The following NGEF variants were observed in gnomAD, a reference collection of about 807,000 sequenced individuals.
NGEF encodes neuronal guanine nucleotide exchange factor.
NGEF carries 31 observed loss-of-function variants against 80.9 expected under a neutral mutation model. The ratio of observed to expected loss-of-function variants is 0.38; its 90% CI spans 0.29 to 0.52. The LOEUF (loss-of-function observed/expected upper bound fraction) is 0.52, where lower values mean the gene tolerates loss of function less well. Ranked by LOEUF, NGEF falls within the 20% of genes least tolerant of loss-of-function variation. The pLI is 0.84. For synonymous variants in NGEF, 371 were observed against 370.2 expected, an observed-to-expected ratio of 1.00 and a Z score of -0.03; for missense variants, 709 against 926.2, an observed-to-expected ratio of 0.77 and a Z score of 3.04.
intron 12 of NGEF, 118 bp downstream of exon 12, chr2:232,883,193 C>T (rs921782187): frequency 1.1e-5 from 14 of 1,248,796 alleles, no homozygotes; most frequent in South Asian, 3.2e-5. Context: ...ATGGGCAGGT[C>T]GGCTCCACAC....
At chr2:232,893,890 AG>A (rs1164812934) in intron 6 of NGEF, among the ~76,000 whole-genome samples, 1 of 152,184 alleles carries the variant, frequency 6.6e-6, no homozygotes, top group Non-Finnish European at 1.5e-5. Context: ...CGAAGGGGTG[AG>A]GGGGCTGCAA....
intron 3 of NGEF, among the ~76,000 whole-genome samples, chr2:232,929,480 C>G (rs1370652912): frequency 1.3e-5 from 2 of 152,240 alleles, no homozygotes; most frequent in Non-Finnish European, 2.9e-5. Flanking sequence ...GTCTCTAAAG[C>G]TGCCACTTAG....
chr2:232,987,599 G>C (rs1034149972), intron 1 of NGEF, among the ~76,000 whole-genome samples: 8 of 152,280 alleles, frequency 5.3e-5, no homozygotes, highest in African/African-American at 1.9e-4. Flanking sequence ...TAGGGCTGTG[G>C]AACCCATGGG....
rs958244261 is a variant in NGEF at position 232,988,051 on chromosome 2, G to C, written c.-74-13087C>G. Among the ~76,000 whole-genome samples, 85 of 148,528 alleles carry C rather than the reference G, an allele frequency of 5.7e-4. 1 individual carries two copies. Among genetic ancestry groups the C allele is most frequent in the African/African-American group, 1.9e-3 (73 of 39,378 alleles). On this transcript the variant is annotated intron_variant, in intron 1 of 14. Transcript: ENST00000264051. ...GGGATGGTCTCGTGTGTGTGTGTGT[G>C]TGTGTGTGTGTGTGTGTGTGTGTGT...
chr2:233,010,123 C>T (rs1695171258), intron 1 of NGEF, among the ~76,000 whole-genome samples: 1 of 151,812 alleles, frequency 6.6e-6, no homozygotes, highest in Non-Finnish European at 1.5e-5. Context: ...GAACTTCTGA[C>T]CTCTGGTAAT....
intron 4 of NGEF, among the ~76,000 whole-genome samples, chr2:232,922,617 G>A (rs746789524): frequency 2.6e-5 from 4 of 152,222 alleles, no homozygotes; most frequent in Non-Finnish European, 5.9e-5. Context: ...CTATTGCGAC[G>A]TCAAGCTATC....
chr2:232,883,993 C>T lies in NGEF; in HGVS notation c.1589G>A (p.Arg530Gln), dbSNP rs1225956662. 4.3e-6 allele frequency: 7 copies of T among 1,609,832 alleles called. No individual in the cohort carries two copies. Among genetic ancestry groups the T allele is most frequent in the Non-Finnish European group, 5.9e-6 (7 of 1,178,282 alleles). Reference sequence around the variant, plus strand: ...GGCCCCGACTCACCCTGGAATCTGCCGGCAGATCACCAGCAGGTCGTTGAA... The same window carrying T: ...GGCCCCGACTCACCCTGGAATCTGCTGGCAGATCACCAGCAGGTCGTTGAA... ...FLFNDLLVIC[R>Q]QIPGDKYQVF... The change falls in exon 11 of 15, where the codon CGG becomes CAG. Residue 530 changes from arginine to glutamine, a missense_variant. Around this residue, in one of 2 missense-constraint regions of NGEF, gnomAD observed 426 missense variants for 622.9 expected, o/e 0.68. Coordinates refer to ENST00000264051, the MANE Select transcript of NGEF (RefSeq NM_019850.3).
At chr2:232,881,096 T>TG (rs1437124109) in intron 14 of NGEF, 50 bp downstream of exon 14, 2 of 1,467,440 alleles carry the variant, frequency 1.4e-6, no homozygotes, top group South Asian at 2.3e-5. Flanking sequence ...CGTCATCCCT[T>TG]GTGGGGCAAG....
At chr2:232,929,456 T>C (rs559662571) in intron 3 of NGEF, among the ~76,000 whole-genome samples, 2 of 152,206 alleles carry the variant, frequency 1.3e-5, no homozygotes, top group Non-Finnish European at 2.9e-5. Context: ...GGTGTTCAGG[T>C]AGACTCAAAG....
chr2:232,885,347 C>G lies in NGEF; in HGVS notation c.1370G>C (p.Gly457Ala). ...LEMVVKACNE[G>A]VRKMSRTEQM... is the part of the protein sequence containing the mutation. ...TTCCGTGCGGCTCATTTTCCTGACG[C>G]CCTCGTTGCATGCCTTCACCACCTG... The change falls in exon 10 of 15, where the codon GGC becomes GCC. Residue 457 changes from glycine to alanine, a missense_variant. Physicochemically the swap from Gly to Ala is moderately conservative, Grantham distance 60. This residue lies in a region of NGEF where 426 missense variants were observed against 622.9 expected (regional missense o/e 0.68). Transcript: ENST00000264051. 6.2e-7 allele frequency: 1 copy of G among 1,614,150 alleles called. No homozygotes were observed. The highest frequency in any genetic ancestry group is 1.3e-5 in the African/African-American group (1 of 75,058).
chr2:233,003,125 A>G (rs999891130), intron 1 of NGEF, among the ~76,000 whole-genome samples: 1 of 152,208 alleles, frequency 6.6e-6, no homozygotes, highest in African/African-American at 2.4e-5. Flanking sequence ...CCAGGAATCC[A>G]TGTGAGTTAA....
intron 3 of NGEF, among the ~76,000 whole-genome samples, chr2:232,944,726 AATATATATAT>A (rs57851903): frequency 0.031 from 3,332 of 108,718 alleles, 223 homozygotes; most frequent in African/African-American, 0.1. Flanking sequence ...GACTTTTCCG[AATATATATAT>A]ATATATATAT....
intron 1 of NGEF, among the ~76,000 whole-genome samples, chr2:232,999,410 G>C (rs532514345): frequency 6.6e-6 from 1 of 152,104 alleles, no homozygotes; most frequent in Admixed American, 6.5e-5. Context: ...GCATTGTGTC[G>C]GGGACTGGTG....
At chr2:232,910,321 C>T (rs568548334) in intron 5 of NGEF, among the ~76,000 whole-genome samples, 6 of 152,154 alleles carry the variant, frequency 3.9e-5, no homozygotes, top group East Asian at 1.9e-4. Context: ...TCACAAGGAG[C>T]GCACAACCTA....
At chr2:232,984,783 C>T (rs141872710) in intron 1 of NGEF, among the ~76,000 whole-genome samples, 3 of 152,172 alleles carry the variant, frequency 2.0e-5, no homozygotes, top group African/African-American at 4.8e-5. Flanking sequence ...AAAAGTTAAA[C>T]GTTTTATTTT....
chr2:232,928,588 T>A (rs1162306513), intron 3 of NGEF, among the ~76,000 whole-genome samples: 1 of 152,098 alleles, frequency 6.6e-6, no homozygotes, highest in African/African-American at 2.4e-5. Flanking sequence ...GTGTCCCCGC[T>A]GGAGGGGGTC....
intron 1 of NGEF, among the ~76,000 whole-genome samples, chr2:233,000,140 C>T (rs4973592): frequency 6.6e-6 from 1 of 152,130 alleles, no homozygotes; most frequent in Non-Finnish European, 1.5e-5. Context: ...CTTTCACCCA[C>T]GCTGGAGGGC....
intron 3 of NGEF, among the ~76,000 whole-genome samples, chr2:232,933,958 A>G (rs1049152024): frequency 6.6e-6 from 1 of 152,142 alleles, no homozygotes; most frequent in Non-Finnish European, 1.5e-5. Context: ...AAAACCCTTT[A>G]TGAGGCGGGG....
intron 5 of NGEF, among the ~76,000 whole-genome samples, chr2:232,918,326 CTT>C (rs1320965777): frequency 6.6e-6 from 1 of 152,116 alleles, no homozygotes; most frequent in African/African-American, 2.4e-5. Context: ...GTCTTGAACT[CTT>C]GACCTCAGGT....
Sources: allele counts gnomAD v4.1 joint callset (sites outside exome capture counted in the v4.1 genomes callset), GRCh38; gene constraint gnomAD v4.1.1; regional missense constraint gnomAD v4.1.1; transcripts MANE v1.5; gene names NCBI Gene and HGNC (gene_info 2026-07-23, HGNC 2026-07-21).